Variants in PXDNL observed in about 807,000 individuals in gnomAD.
PXDNL encodes probable oxidoreductase PXDNL.
Under a neutral mutation model 150.8 loss-of-function variants are expected in PXDNL, and 145 were observed. The ratio of observed to expected loss-of-function variants is 0.96; its 90% CI spans 0.84 to 1.10. The LOEUF (loss-of-function observed/expected upper bound fraction) is 1.10, where lower values mean the gene tolerates loss of function less well. Ranked by LOEUF, PXDNL falls within the 50% of genes least tolerant of loss-of-function variation. The pLI is 0.00. For synonymous variants in PXDNL, 757 were observed against 725.7 expected, an observed-to-expected ratio of 1.04 and a Z score of -0.69; for missense variants, 2,087 against 1,873.9, an observed-to-expected ratio of 1.11 and a Z score of -2.10.
intron 12 of PXDNL, among the ~76,000 whole-genome samples, chr8:51,446,050 AC>A (rs1220077346): frequency 6.6e-6 from 1 of 152,176 alleles, no homozygotes; most frequent in Non-Finnish European, 1.5e-5. Context: ...TTTAAAAAAA[AC>A]ATTTAATATG....
At chr8:51,735,431 G>A (rs928640491) in intron 1 of PXDNL, among the ~76,000 whole-genome samples, 2 of 151,622 alleles carry the variant, frequency 1.3e-5, no homozygotes, top group African/African-American at 4.9e-5. Context: ...GTTGCAGTGA[G>A]TCGAGATCCT....
At chr8:51,619,794 A>T (rs1391164797) in intron 2 of PXDNL, among the ~76,000 whole-genome samples, 1 of 151,644 alleles carries the variant, frequency 6.6e-6, no homozygotes, top group Non-Finnish European at 1.5e-5. Context: ...ATTTCTTTAT[A>T]GTAGTGCAAG....
chr8:51,615,097 G>C (rs12678912), intron 2 of PXDNL, among the ~76,000 whole-genome samples: 4,546 of 152,242 alleles, frequency 0.03, 114 homozygotes, highest in East Asian at 0.091. Context: ...GACATGCTCA[G>C]TGGTTTTCTA....
intron 19 of PXDNL, among the ~76,000 whole-genome samples, chr8:51,367,037 G>A (rs1466416419): frequency 7.4e-6 from 1 of 135,280 alleles, no homozygotes; most frequent in East Asian, 2.3e-4. Context: ...GGAGGTGGAG[G>A]TTTCAATAAG....
intron 1 of PXDNL, among the ~76,000 whole-genome samples, chr8:51,729,326 C>CAA (rs71237232): frequency 2.0e-5 from 3 of 152,214 alleles, no homozygotes; most frequent in Admixed American, 1.3e-4. Flanking sequence ...AATAAGAAAA[C>CAA]AAAAAATGGG....
chr8:51,657,393 C>G (rs1422046191), intron 1 of PXDNL, among the ~76,000 whole-genome samples: 2 of 152,152 alleles, frequency 1.3e-5, no homozygotes, highest in African/African-American at 4.8e-5. Flanking sequence ...CTTCCCTTTT[C>G]CCTTCCACTA....
chr8:51,589,260 G>C (rs1813389753), intron 3 of PXDNL, among the ~76,000 whole-genome samples: 1 of 152,158 alleles, frequency 6.6e-6, no homozygotes, highest in Non-Finnish European at 1.5e-5. Context: ...AGAAAACTAA[G>C]ACAGATAATT....
intron 4 of PXDNL, among the ~76,000 whole-genome samples, chr8:51,545,293 G>T (rs1242480579): frequency 9.2e-5 from 14 of 152,032 alleles, no homozygotes; most frequent in Non-Finnish European, 8.8e-5. Flanking sequence ...CAGTGATAAG[G>T]GCTTTCCATT....
chr8:51,676,552 C>G (rs1440035240), intron 1 of PXDNL, among the ~76,000 whole-genome samples: 2 of 152,164 alleles, frequency 1.3e-5, no homozygotes, highest in Non-Finnish European at 2.9e-5. Flanking sequence ...ACTGGGATTA[C>G]AGGCGTGAGC....
At chr8:51,320,195 A>G (rs1382314150) in intron 22 of PXDNL, among the ~76,000 whole-genome samples, 173 bp from the exon 23 acceptor site, 1 of 152,176 alleles carries the variant, frequency 6.6e-6, no homozygotes, top group African/African-American at 2.4e-5. Context: ...CTTTCTTTCT[A>G]TACATTTGCA....
intron 17 of PXDNL, among the ~76,000 whole-genome samples, chr8:51,390,331 C>T (rs954929592): frequency 3.3e-5 from 5 of 152,064 alleles, no homozygotes; most frequent in Non-Finnish European, 5.9e-5. Context: ...CCTGTGGCAA[C>T]CAATGAATAA....
intron 2 of PXDNL, among the ~76,000 whole-genome samples, chr8:51,595,943 T>C (rs1585606727): frequency 6.6e-6 from 1 of 152,154 alleles, no homozygotes; most frequent in South Asian, 2.1e-4. Context: ...CATGTGCAGA[T>C]ATGTTACCTC....
intron 4 of PXDNL, among the ~76,000 whole-genome samples, chr8:51,523,945 G>A (rs540683416): frequency 2.0e-5 from 3 of 152,288 alleles, no homozygotes; most frequent in Non-Finnish European, 2.9e-5. Context: ...TAAAGAGACC[G>A]ATGGGGAAAA....
intron 1 of PXDNL, among the ~76,000 whole-genome samples, chr8:51,765,789 T>C (rs2037222389): frequency 6.6e-6 from 1 of 152,098 alleles, no homozygotes; most frequent in Non-Finnish European, 1.5e-5. Context: ...TCTCCATTAC[T>C]GCCTACTTCT....
At chr8:51,509,170 G>A (rs1811355360) in intron 4 of PXDNL, among the ~76,000 whole-genome samples, 1 of 152,154 alleles carries the variant, frequency 6.6e-6, no homozygotes, top group African/African-American at 2.4e-5. Context: ...TATGAGGTAA[G>A]ACATAGGTTA....
intron 2 of PXDNL, among the ~76,000 whole-genome samples, chr8:51,599,553 T>C (rs1430164826): frequency 6.7e-6 from 1 of 149,880 alleles, no homozygotes; most frequent in African/African-American, 2.4e-5. Context: ...ATATTTTTAT[T>C]CCACTGTGGC....
rs114605166 is a variant in PXDNL, at chr8:51,629,089, T to C, written c.236+25600A>G. On this transcript the variant is annotated intron_variant, in intron 2 of 22. Transcript: ENST00000356297. ...ACTAGACAAAGACTTTCAAATCAAC[T>C]GTCTTAAATATGCTTTAAAAAAAGC... Among the ~76,000 whole-genome samples the C allele has an allele frequency of 3.4e-3, 513 of 151,984 alleles. 6 individuals carry two copies. The highest frequency in any genetic ancestry group is 0.012 in the African/African-American group (491 of 41,426).
At chr8:51,331,520 A>T (rs776338021) in intron 21 of PXDNL, among the ~76,000 whole-genome samples, 1 of 152,200 alleles carries the variant, frequency 6.6e-6, no homozygotes, top group Admixed American at 6.5e-5. Flanking sequence ...GCTTACAGAC[A>T]TCACAGGCAG....
intron 1 of PXDNL, among the ~76,000 whole-genome samples, chr8:51,749,787 G>A (rs777643026): frequency 7.2e-5 from 11 of 152,146 alleles, no homozygotes; most frequent in African/African-American, 4.8e-5. Flanking sequence ...TGCAACCTCC[G>A]ACTCCCTGGT....
Sources: allele counts gnomAD v4.1 joint callset (sites outside exome capture counted in the v4.1 genomes callset), GRCh38; gene constraint gnomAD v4.1.1; transcripts MANE v1.5; gene names NCBI Gene and HGNC (gene_info 2026-07-23, HGNC 2026-07-21).